Variants in NCKAP5 observed in about 807,000 individuals in gnomAD.
NCKAP5 encodes NCK associated protein 5.
In NCKAP5, 92 loss-of-function variants were observed where a neutral mutation model predicts 167.0. The ratio of observed to expected loss-of-function variants is 0.55; its 90% CI spans 0.47 to 0.66. The LOEUF (loss-of-function observed/expected upper bound fraction) is 0.66, where lower values mean the gene tolerates loss of function less well. Among genes scored for constraint, NCKAP5 ranks in the 30% least tolerant of loss-of-function variants. The pLI is 0.00. For synonymous variants in NCKAP5, 891 were observed against 877.4 expected (o/e 1.02, Z -0.27); for missense variants, 2,378 against 2,315.0 (o/e 1.03, Z -0.56).
rs187384461 is a variant in NCKAP5, at chr2:132,718,099, T to C, written c.5713+7528A>G. Among the ~76,000 whole-genome samples, 7 of 152,334 alleles carry C rather than the reference T, an allele frequency of 4.6e-5. No homozygotes were observed. In the East Asian group the frequency reaches 1.2e-3, roughly 25 times the overall value. ...GGATTACCTTCTCTCTCAGACTTGT[T>C]TCAGTCTGTATGTCTGATTATAAGC... On this transcript the variant is annotated intron_variant, in intron 19 of 19. Transcript: ENST00000409261.
chr2:132,951,878 C>T (rs2076199585), intron 8 of NCKAP5, among the ~76,000 whole-genome samples: 1 of 152,136 alleles, frequency 6.6e-6, no homozygotes, highest in African/African-American at 2.4e-5. Flanking sequence ...TTATTCATGA[C>T]ACTTCAGTAA....
chr2:133,472,775 T>C (rs1679459577), intron 3 of NCKAP5, among the ~76,000 whole-genome samples: 1 of 152,200 alleles, frequency 6.6e-6, no homozygotes, highest in Non-Finnish European at 1.5e-5. Context: ...ATGGCACCCC[T>C]ATCCACCAGA....
rs150471431 is a variant in NCKAP5, at chr2:132,763,295, A to G, written c.5128+10521T>C. Among the ~76,000 whole-genome samples the G allele has an allele frequency of 6.2e-4, 95 of 152,188 alleles. 1 individual carries two copies. Among genetic ancestry groups the G allele is most frequent in the African/African-American group, 2.2e-3 (92 of 41,530 alleles). ...CATCTGGTCCCATCCTACAAATCCA[A>G]CTGTATCTGCATCTTCTCCTGTGCT... On this transcript the variant is annotated intron_variant, in intron 16 of 19. Coordinates refer to ENST00000409261, the MANE Select transcript of NCKAP5 (RefSeq NM_207363.3).
the NCKAP5 span, among the ~76,000 whole-genome samples, chr2:133,646,842 A>G: frequency 3.9e-5 from 6 of 152,182 alleles, no homozygotes; most frequent in Admixed American, 3.9e-4. Flanking sequence ...TAACGTATGT[A>G]GGGAGGGAGA....
intron 16 of NCKAP5, among the ~76,000 whole-genome samples, chr2:132,753,158 G>A (rs1009074522): frequency 6.6e-6 from 1 of 152,182 alleles, no homozygotes; most frequent in South Asian, 2.1e-4. Flanking sequence ...AACCATCACA[G>A]TACTTAAGGA....
chr2:133,067,012 C>T (rs1422434374), intron 6 of NCKAP5, among the ~76,000 whole-genome samples: 1 of 128,304 alleles, frequency 7.8e-6, no homozygotes, highest in Admixed American at 8.1e-5. Flanking sequence ...ATGGAGGAAA[C>T]TCAGTGCCAT....
At chr2:133,246,281 T>A (rs962861821) in intron 4 of NCKAP5, among the ~76,000 whole-genome samples, 2 of 151,912 alleles carry the variant, frequency 1.3e-5, no homozygotes, top group Admixed American at 6.6e-5. Flanking sequence ...TCACTGTCTA[T>A]CCTCAAATGG....
intron 19 of NCKAP5, among the ~76,000 whole-genome samples, chr2:132,685,111 T>C (rs978094348): frequency 2.0e-5 from 3 of 152,214 alleles, no homozygotes; most frequent in Admixed American, 2.0e-4. Context: ...TTCATCCATT[T>C]TGGGGACTGA....
At chr2:133,565,636 C>G (rs950476531) in intron 1 of NCKAP5, among the ~76,000 whole-genome samples, 4 of 152,158 alleles carry the variant, frequency 2.6e-5, no homozygotes, top group Admixed American at 2.6e-4. Context: ...CAAGACAGCT[C>G]TAAGTCCACA....
At chr2:133,494,321 T>C (rs1681736824) in intron 3 of NCKAP5, among the ~76,000 whole-genome samples, 2 of 152,146 alleles carry the variant, frequency 1.3e-5, no homozygotes, top group African/African-American at 4.8e-5. Context: ...TACCTTTACC[T>C]TTGTTCACCA....
intron 6 of NCKAP5, among the ~76,000 whole-genome samples, chr2:133,032,040 C>G (rs1573806613): frequency 6.6e-6 from 1 of 152,092 alleles, no homozygotes; most frequent in Admixed American, 6.5e-5. Context: ...AGTACCTTAC[C>G]AGCTGTGGTG....
intron 5 of NCKAP5, among the ~76,000 whole-genome samples, chr2:133,143,998 G>A (rs1241381417): frequency 6.6e-6 from 1 of 152,048 alleles, no homozygotes; most frequent in African/African-American, 2.4e-5. Flanking sequence ...ATGCATTTAA[G>A]CCTCTCCCTT....
intron 6 of NCKAP5, chr2:133,123,732 G>A: frequency 4.2e-6 from 2 of 470,756 alleles, no homozygotes; most frequent in Non-Finnish European, 8.8e-6. Flanking sequence ...GAGGAGAAGA[G>A]CTCTGTGCTG....
intron 3 of NCKAP5, among the ~76,000 whole-genome samples, chr2:133,451,123 T>C (rs573499749): frequency 6.6e-6 from 1 of 152,262 alleles, no homozygotes; most frequent in Non-Finnish European, 1.5e-5. Context: ...ATAATTGTTT[T>C]GTACATAGAC....
At chr2:132,933,763 G>T (rs935129612) in intron 8 of NCKAP5, among the ~76,000 whole-genome samples, 2 of 152,118 alleles carry the variant, frequency 1.3e-5, no homozygotes, top group African/African-American at 4.8e-5. Flanking sequence ...ACATGTGGAG[G>T]CCAACCTCAT....
chr2:132,713,298 T>G (rs540409328), intron 19 of NCKAP5, among the ~76,000 whole-genome samples: 2 of 152,308 alleles, frequency 1.3e-5, no homozygotes, highest in East Asian at 3.9e-4. Flanking sequence ...TAGCAGAGAC[T>G]GCTGAATACT....
At chr2:132,806,016 A>C (rs1685405936) in intron 11 of NCKAP5, among the ~76,000 whole-genome samples, 1 of 152,124 alleles carries the variant, frequency 6.6e-6, no homozygotes. Flanking sequence ...TATCAGTGAG[A>C]ACATAGGATA....
chr2:133,173,202 G>C (rs1476632648), intron 5 of NCKAP5, among the ~76,000 whole-genome samples: 1 of 152,160 alleles, frequency 6.6e-6, no homozygotes, highest in Non-Finnish European at 1.5e-5. Flanking sequence ...GGAGGTTGGG[G>C]TGGGATATTG....
intron 3 of NCKAP5, among the ~76,000 whole-genome samples, chr2:133,385,048 T>C (rs1364769945): frequency 6.6e-6 from 1 of 152,230 alleles, no homozygotes; most frequent in Non-Finnish European, 1.5e-5. Flanking sequence ...TTCTTTCTCC[T>C]GCCTGATTGC....
Sources: allele counts gnomAD v4.1 joint callset (sites outside exome capture counted in the v4.1 genomes callset), GRCh38; gene constraint gnomAD v4.1.1; transcripts MANE v1.5; gene names NCBI Gene and HGNC (gene_info 2026-07-23, HGNC 2026-07-21).